The following SLC3A2 variants were observed in gnomAD, a reference collection of about 807,000 sequenced individuals.
The protein encoded by SLC3A2 is solute carrier family 3 member 2.
Under a neutral mutation model 48.5 loss-of-function variants are expected in SLC3A2, and 32 were observed. That is an observed-to-expected ratio of 0.66 (90% CI 0.50 to 0.89). The LOEUF (loss-of-function observed/expected upper bound fraction) is 0.89. Among genes scored for constraint, SLC3A2 ranks in the 40% least tolerant of loss-of-function variants. The pLI, the probability that SLC3A2 is intolerant of heterozygous loss-of-function variation, is 0.00. For synonymous variants in SLC3A2, 277 were observed against 288.8 expected, an observed-to-expected ratio of 0.96 and a Z score of 0.41; for missense variants, 587 against 680.7, an observed-to-expected ratio of 0.86 and a Z score of 1.53.
chr11:62,882,355 G>GT (rs1027230620), intron 2 of SLC3A2: 11 of 328,874 alleles, frequency 3.3e-5, no homozygotes, highest in South Asian at 1.5e-4. Flanking sequence ...AAAACAGTAG[G>GT]TTTTTTTGGG....
intron 8 of SLC3A2, 55 bp from the exon 9 acceptor site, chr11:62,888,276 G>C (rs1163294018): frequency 1.2e-6 from 2 of 1,610,168 alleles, no homozygotes; most frequent in African/African-American, 2.7e-5. Context: ...GCTTGTAGAA[G>C]TCTGTACCCA....
At chr11:62,869,939 C>T (rs1375180400) in intron 1 of SLC3A2, among the ~76,000 whole-genome samples, 6 of 151,250 alleles carry the variant, frequency 4.0e-5, no homozygotes, top group African/African-American at 1.2e-4. Flanking sequence ...CCTGCCACCA[C>T]GCCCAGCTAA....
chr11:62,869,349 C>A (rs1425396732), intron 1 of SLC3A2, among the ~76,000 whole-genome samples: 1 of 150,650 alleles, frequency 6.6e-6, no homozygotes, highest in Non-Finnish European at 1.5e-5. Flanking sequence ...ACGGTGAAAC[C>A]CTGTCTCTAC....
intron 7 of SLC3A2, among the ~76,000 whole-genome samples, chr11:62,887,426 G>A (rs1447716136): frequency 1.3e-5 from 2 of 152,128 alleles, no homozygotes; most frequent in African/African-American, 4.8e-5. Flanking sequence ...AGCCAGGCCG[G>A]GTGTCGTGGC....
In SLC3A2 at chr11:62,885,614, GCTTGCTGTCTTT is replaced by G. The variant is rs1376822893; in HGVS notation, c.1143+9_1143+20del. 6.2e-7 allele frequency: 1 copy of G among 1,613,894 alleles called. No individual in the cohort carries two copies. On this transcript the variant is annotated splice_region_variant and intron_variant, in intron 7 of 8. Coordinates refer to ENST00000338663, the MANE Select transcript of SLC3A2 (RefSeq NM_001013251.3). ...CAGCTGCCCTTCCTGGACAGGTACT[GCTTGCTGTCTTT>G]CTGTCACAGGGAGGTTGTTTATCCA...
chr11:62,882,131 G>C, intron 2 of SLC3A2, 65 bp downstream of exon 2: 8 of 1,583,934 alleles, frequency 5.1e-6, no homozygotes, highest in East Asian at 2.2e-5. Flanking sequence ...AAGTAGGCTA[G>C]AACTTTTGTC....
At chr11:62,860,617 G>A (rs770335223) in intron 1 of SLC3A2, among the ~76,000 whole-genome samples, 1 of 152,082 alleles carries the variant, frequency 6.6e-6, no homozygotes, top group African/African-American at 2.4e-5. Flanking sequence ...TATCTCAACT[G>A]CAAAGAGGCC....
intron 1 of SLC3A2, chr11:62,870,842 TAA>T (rs1491419177): frequency 0.012 from 1,124 of 92,118 alleles, 23 homozygotes; most frequent in African/African-American, 0.07. Flanking sequence ...TGATAGGTAA[TAA>T]TAATAATAAT....
At chr11:62,865,499 T>C (rs1296841735) in intron 1 of SLC3A2, among the ~76,000 whole-genome samples, 1 of 143,050 alleles carries the variant, frequency 7.0e-6, no homozygotes, top group African/African-American at 2.6e-5. Context: ...GATGTTGCAG[T>C]GAGCCTAGAT....
intron 1 of SLC3A2, chr11:62,871,569 A>G: frequency 3.1e-6 from 2 of 640,210 alleles, no homozygotes; most frequent in Non-Finnish European, 5.7e-6. Context: ...TATTATTATT[A>G]TTTGTAGAGA....
rs528228262 is a variant in SLC3A2 at position 62,885,643 on chromosome 11, GTTTATCCATCTTACAATGATGA to G, written c.1143+38_1143+59del. On this transcript the variant is annotated intron_variant, in intron 7 of 8. Coordinates refer to ENST00000338663, the MANE Select transcript of SLC3A2 (RefSeq NM_001013251.3). ...GCTGTCTTTCTGTCACAGGGAGGTTGTTTATCCATCTTACAATGATGATTCTGGGGATGGCGGCACATAGACG... is the reference window on the plus strand; with the variant it reads ...GCTGTCTTTCTGTCACAGGGAGGTTGTTCTGGGGATGGCGGCACATAGACG... 5.1e-4 allele frequency: 823 copies of G among 1,611,432 alleles called. 2 individuals carry two copies. The African/African-American group carries it at 8.2e-3, about 16-fold the overall frequency.
At chr11:62,873,664 G>A (rs190526774) in intron 1 of SLC3A2, among the ~76,000 whole-genome samples, 1 of 152,106 alleles carries the variant, frequency 6.6e-6, no homozygotes, top group African/African-American at 2.4e-5. Context: ...ATAGAGACAC[G>A]GGGTCTTGCT....
chr11:62,885,629 G>A (rs1385280808), intron 7 of SLC3A2, 21 bp downstream of exon 7: 1 of 1,613,256 alleles, frequency 6.2e-7, no homozygotes. Context: ...CTGTCTTTCT[G>A]TCACAGGGAG....
At chr11:62,874,853 G>A (rs11231261) in intron 1 of SLC3A2, among the ~76,000 whole-genome samples, 3,097 of 149,852 alleles carry the variant, frequency 0.021, 111 homozygotes, top group African/African-American at 0.073. Flanking sequence ...TGCAACCTCC[G>A]CCTCCCAGGT....
intron 1 of SLC3A2, among the ~76,000 whole-genome samples, chr11:62,860,926 A>G (rs571312281): frequency 7.5e-4 from 115 of 152,332 alleles, no homozygotes; most frequent in Non-Finnish European, 1.3e-3. Context: ...AATACAGTGC[A>G]TGTTTCTGCG....
At chr11:62,861,172 T>C (rs902649591) in intron 1 of SLC3A2, among the ~76,000 whole-genome samples, 2 of 150,716 alleles carry the variant, frequency 1.3e-5, no homozygotes, top group Admixed American at 6.7e-5. Context: ...AGCCCGTCTC[T>C]ACAAAAATAA....
rs535815292 is a variant in SLC3A2, at chr11:62,887,438, T to TA, written c.1144-696dup. On this transcript the variant is annotated intron_variant, in intron 7 of 8. Coordinates refer to ENST00000338663, the MANE Select transcript of SLC3A2 (RefSeq NM_001013251.3). ...GTTAGCCAGGCCGGGTGTCGTGGCT[T>TA]ATGCCTGTAATCCCAGCACTTTGGG... 1.7e-3 allele frequency among the ~76,000 whole-genome samples: 265 copies of TA among 152,144 alleles called. 2 individuals are homozygous for TA. Among genetic ancestry groups the TA allele is most frequent in the African/African-American group, 6.0e-3 (248 of 41,522 alleles).
At chr11:62,873,023 A>AAT (rs2085533301) in intron 1 of SLC3A2, among the ~76,000 whole-genome samples, 1 of 151,954 alleles carries the variant, frequency 6.6e-6, no homozygotes, top group Non-Finnish European at 1.5e-5. Flanking sequence ...TTGATTATAA[A>AAT]ATATATATAT....
In SLC3A2 at chr11:62,888,227, T is replaced by C; in HGVS notation, c.1227+9T>C. On this transcript the variant is annotated intron_variant, in intron 8 of 8. Coordinates refer to ENST00000338663, the MANE Select transcript of SLC3A2 (RefSeq NM_001013251.3). ...CCAACATGACTGTGAAGGTAAGAGT[T>C]CTAGATGGGTAGAAACTGACCGGTG... 1 of 1,613,800 alleles carries C rather than the reference T, an allele frequency of 6.2e-7. No individual in the cohort carries two copies. The highest frequency in any genetic ancestry group is 8.5e-7 in the Non-Finnish European group (1 of 1,179,744).
Sources: gnomAD v4.1 joint callset for allele counts (sites outside exome capture counted in the v4.1 genomes callset) on GRCh38, gnomAD v4.1.1 for gene constraint, MANE v1.5 for transcripts, NCBI Gene and HGNC (gene_info 2026-07-23, HGNC 2026-07-21) for gene names.